TTN: variants seen among roughly 807,000 people sequenced by gnomAD.
TTN encodes the protein titin.
Under a neutral mutation model 3,223.0 loss-of-function variants are expected in TTN, and 1,525 were observed. That is an observed-to-expected ratio of 0.47 (90% CI 0.45 to 0.49). TTN has a LOEUF of 0.49. Ranked by LOEUF, TTN falls within the 20% of genes least tolerant of loss-of-function variation. The pLI, the probability that TTN is intolerant of heterozygous loss-of-function variation, is 0.00. For missense variants in TTN, 40,786 were observed against 43,424.0 expected (o/e 0.94, Z 5.40); for synonymous variants, 14,094 against 15,161.0 (o/e 0.93, Z 5.17).
In TTN at chr2:178,549,658, A is replaced by C; in HGVS notation, c.92064T>G (p.Asn30688Lys). The change falls in exon 338 of 363, where the codon AAT becomes AAG. Residue 30688 changes from asparagine to lysine, a missense_variant. Physicochemically the swap from Asn to Lys is moderately conservative, Grantham distance 94. Transcript: ENST00000589042. ...CTGCAGAAACACGGAATTGGTATTC[A>C]TTGCCGTTTATTAGTTTAATGGCAG... is the stretch of plus-strand genomic sequence containing the variant. ...SYTAIKLING[N>K]EYQFRVSAVN... is the part of the protein sequence containing the mutation. 6.2e-7 allele frequency: 1 copy of C among 1,613,846 alleles called. No individual in the cohort carries two copies. The highest frequency in any genetic ancestry group is 8.5e-7 in the Non-Finnish European group (1 of 1,179,790).
rs148105798 is a variant in TTN, at chr2:178,747,784, G to A, written c.11311+5340C>T. ...TTTCTATCATTTCTCCTTCTAAAGT[G>A]GAGAAAGAAGCTTCATTCTGAACTT... On this transcript the variant is annotated intron_variant, in intron 47 of 362. Transcript: ENST00000589042. 4.9e-4 allele frequency: 796 copies of A among 1,612,108 alleles called. 2 individuals are homozygous for A. The highest frequency in any genetic ancestry group is 6.4e-4 in the Non-Finnish European group (749 of 1,179,428).
Position 178,733,266 on chromosome 2 carries a change from A to G in TTN, c.16027T>C (p.Ser5343Pro). The G allele has an allele frequency of 1.2e-6, 2 of 1,608,322 alleles. No homozygotes were observed. Among genetic ancestry groups the G allele is most frequent in the Admixed American group, 3.3e-5 (2 of 59,786 alleles). ...FEISNEVGSS[S>P]CETTFTVLDR... Reference sequence around the variant, plus strand: ...AATACAGTGAATGTAGTCTCACAGGAGCTGCTGCCCACTTCATTGGAAATC... The same window carrying G: ...AATACAGTGAATGTAGTCTCACAGGGGCTGCTGCCCACTTCATTGGAAATC... The change falls in exon 54 of 363, where the codon TCC becomes CCC. Residue 5343 changes from serine (S) to proline (P), a missense_variant. Transcript: ENST00000589042.
At chr2:178,596,163 G>A (rs2051556197) in intron 294 of TTN, among the ~76,000 whole-genome samples, 1 of 151,614 alleles carries the variant, frequency 6.6e-6, no homozygotes, top group African/African-American at 2.4e-5. Context: ...GCTAATTTTT[G>A]CATTTTTAGT....
At chr2:178,689,773 A>G (rs771559130) in intron 122 of TTN, 40 bp downstream of exon 122, 1 of 1,554,988 alleles carries the variant, frequency 6.4e-7, no homozygotes, top group Non-Finnish European at 8.7e-7. Context: ...ATTTTGTATC[A>G]AAGATAAAAG....
chr2:178,584,764 G>A lies in TTN; in HGVS notation c.64877C>T (p.Pro21626Leu). ...KTSCRVGKLI[P>L]GQEYIFRVRA... ...GACCCGGAAGATGTACTCCTGGCCT[G>A]GGATCAGCTTTCCAACCCTGCAGGA... Residue 21626 changes from proline to leucine, a missense_variant, in exon 310 of 363, where the codon CCA (proline) becomes CTA (leucine). Coordinates refer to ENST00000589042, the MANE Select transcript of TTN (RefSeq NM_001267550.2). The A allele has an allele frequency of 6.2e-7, 1 of 1,613,482 alleles. No individual in the cohort carries two copies.
chr2:178,609,773 T>C lies in TTN; in HGVS notation c.51650A>G (p.Glu17217Gly). The change falls in exon 272 of 363, where the codon GAG becomes GGG. Residue 17217 changes from glutamate (E) to glycine (G), a missense_variant. Glu to Gly is a moderately conservative substitution (Grantham distance 98). Transcript: ENST00000589042. ...CTCTGCTCGCACACGGAATTGGTAC[T>C]CTTTCCCCTCTTCAAGTCCTTTTGC... ...YTAKGLEEGK[E>G]YQFRVRAENA... 6.2e-7 allele frequency: 1 copy of C among 1,612,894 alleles called. No homozygotes were observed. Among genetic ancestry groups the C allele is most frequent in the Non-Finnish European group, 8.5e-7 (1 of 1,179,222 alleles).
chr2:178,535,337 A>G lies in TTN; in HGVS notation c.101278T>C (p.Phe33760Leu). 6.2e-7 allele frequency: 1 copy of G among 1,613,854 alleles called. No individual in the cohort carries two copies. The highest frequency in any genetic ancestry group is 1.7e-5 in the Admixed American group (1 of 60,010). ...AATTTATTTTCAGCTATTACCCGGA[A>G]CTGGTAACTTGTTTTTCCAAATAAG... ...INLFGKTSYQ[F>L]RVIAENKFGL... Residue 33760 changes from phenylalanine (F) to leucine (L), a missense_variant, in exon 358 of 363, where the codon TTC becomes CTC. Physicochemically the swap from Phe to Leu is conservative, Grantham distance 22. Coordinates refer to ENST00000589042, the MANE Select transcript of TTN (RefSeq NM_001267550.2).
chr2:178,709,511 A>G (rs1173928093), intron 99 of TTN, 55 bp downstream of exon 99: 3 of 1,538,352 alleles, frequency 2.0e-6, no homozygotes, highest in East Asian at 2.3e-5. Flanking sequence ...GCTCATGGAT[A>G]TATAACAGGC....
At chr2:178,639,973 T>C (rs776904066) in intron 222 of TTN, 75 bp downstream of exon 222, 2 of 1,551,324 alleles carry the variant, frequency 1.3e-6, no homozygotes, top group Non-Finnish European at 1.8e-6. Context: ...TCACCTACTA[T>C]CTTTTATTAA....
In TTN at chr2:178,790,757, T is replaced by C. The variant is rs769784355; in HGVS notation, c.1751A>G (p.Gln584Arg). 1 of 1,614,184 alleles carries C rather than the reference T, an allele frequency of 6.2e-7. No individual in the cohort carries two copies. The highest frequency in any genetic ancestry group is 8.5e-7 in the Non-Finnish European group (1 of 1,180,014). ...STKLETVPGAQEETTTQQDQM... is the reference protein window; with the variant it reads ...STKLETVPGAREETTTQQDQM... Reference sequence around the variant, plus strand: ...ATCTTGTTGTGTGGTAGTTTCTTCTTGAGCTCCCGGGACTGTTTCTAGTTT... The same window carrying C: ...ATCTTGTTGTGTGGTAGTTTCTTCTCGAGCTCCCGGGACTGTTTCTAGTTT... Residue 584 changes from glutamine to arginine, a missense_variant, in exon 11 of 363, where the codon CAA (glutamine) becomes CGA (arginine). Physicochemically the swap from Gln to Arg is conservative, Grantham distance 43. Coordinates refer to ENST00000589042, the MANE Select transcript of TTN (RefSeq NM_001267550.2).
chr2:178,567,837 T>C lies in TTN; in HGVS notation c.78295A>G (p.Met26099Val), dbSNP rs374376033. Reference sequence around the variant, plus strand: ...AAAGTGATTTCATTTCTTTTAACCATTATTGGTTCTGGGGTTCCTGGTGGG... The same window carrying C: ...AAAGTGATTTCATTTCTTTTAACCACTATTGGTTCTGGGGTTCCTGGTGGG... ...CDPPGTPEPI[M>V]VKRNEITLQW... Residue 26099 changes from methionine to valine, a missense_variant, in exon 326 of 363, where the codon ATG becomes GTG. Physicochemically the swap from Met to Val is conservative, Grantham distance 21. Coordinates refer to ENST00000589042, the MANE Select transcript of TTN (RefSeq NM_001267550.2). 12 of 1,613,422 alleles carry C rather than the reference T, an allele frequency of 7.4e-6. No homozygotes were observed. In the African/African-American group the frequency reaches 1.6e-4, roughly 22 times the overall value.
At chr2:178,701,445 G>T in intron 110 of TTN, 83 bp downstream of exon 110, 1 of 1,413,580 alleles carries the variant, frequency 7.1e-7, no homozygotes, top group Non-Finnish European at 9.7e-7. Context: ...CTGCAGTTTG[G>T]TCGCTGGTAT....
rs375153601 is a variant in TTN at position 178,535,233 on chromosome 2, T to C, written c.101382A>G (p.Glu33794=). 3 of 1,613,964 alleles carry C rather than the reference T, an allele frequency of 1.9e-6. No homozygotes were observed. The African/African-American group carries it at 4.0e-5, about 22-fold the overall frequency. Residue 33794 remains glutamate, a synonymous_variant, in exon 358 of 363, where the codon GAA becomes GAG. Transcript: ENST00000589042. ...EDKTRAMNYD[E]EVDETREVSM... ...AGACTTCCCTGGTTTCATCTACCTC[T>C]TCATCATAGTTCATAGCTCTGGTCT...
Position 178,783,002 on chromosome 2 carries a change from T to A in TTN, c.2904A>T (p.Gly968=). 1 of 1,614,152 alleles carries A rather than the reference T, an allele frequency of 6.2e-7. No homozygotes were observed. Among genetic ancestry groups the A allele is most frequent in the Non-Finnish European group, 8.5e-7 (1 of 1,180,000 alleles). ...ESVTLECHIS[G]YPSPTVTWYR... ...ACCATGTCACTGTCGGGGATGGGTA[T>A]CCAGAGATGTGGCACTCCAAGGTGA... is the stretch of plus-strand genomic sequence containing the variant. Residue 968 remains glycine, a synonymous_variant, in exon 18 of 363, where the codon GGA becomes GGT. Transcript: ENST00000589042.
At chr2:178,587,487 T>C (rs755971981) in intron 306 of TTN, 29 bp downstream of exon 306, 1 of 1,603,404 alleles carries the variant, frequency 6.2e-7, no homozygotes, top group Non-Finnish European at 8.5e-7. Context: ...ATTTTTGAAG[T>C]GGGAGGGAGA....
chr2:178,539,522 GAA>G lies in TTN; in HGVS notation c.98541_98542del (p.Ser32848GlnfsTer37). 6.2e-7 allele frequency: 1 copy of G among 1,613,752 alleles called. No individual in the cohort carries two copies. Among genetic ancestry groups the G allele is most frequent in the Non-Finnish European group, 8.5e-7 (1 of 1,179,772 alleles). ...CACCAGAGATGTACCTCGGACTCTGGAATCAATGGTATACCAGGCGGCTTTAG... is the reference window on the plus strand; with the variant it reads ...CACCAGAGATGTACCTCGGACTCTGGTCAATGGTATACCAGGCGGCTTTAG... On this transcript the variant is annotated frameshift_variant, in exon 352 of 363. Coordinates refer to ENST00000589042, the MANE Select transcript of TTN (RefSeq NM_001267550.2). LOFTEE classifies it high-confidence loss of function.
At position 178,593,558 on chromosome 2, in the gene TTN, T is replaced by C; in HGVS notation, c.58732+10A>G. ...AGCATTGAATCACTAAAAAGAAACA[T>C]AATGCATACTGAAACGATCTTTGGC... On this transcript the variant is annotated intron_variant, in intron 298 of 362. Transcript: ENST00000589042. 6.2e-7 allele frequency: 1 copy of C among 1,608,968 alleles called. No homozygotes were observed. Among genetic ancestry groups the C allele is most frequent in the South Asian group, 1.1e-5 (1 of 89,676 alleles).
chr2:178,573,645 G>C lies in TTN; in HGVS notation c.72487C>G (p.Arg24163Gly). ...AKIDHYIVQK[R>G]ETSRLAWTNV... ...GTCCATGCCAATCTGCTGGTTTCAC[G>C]TTTCTGTACTATGTAATGATCAATT... is the stretch of plus-strand genomic sequence containing the variant. The change falls in exon 326 of 363, where the codon CGT (arginine) becomes GGT (glycine). Residue 24163 changes from arginine to glycine, a missense_variant. Transcript: ENST00000589042. 1 of 1,501,954 alleles carries C rather than the reference G, an allele frequency of 6.7e-7. No individual in the cohort carries two copies. The allele number at this position is 1,501,954 out of a possible 1,614,324, so 93.0% of individuals were successfully genotyped here.
chr2:178,732,817 C>T lies in TTN; in HGVS notation c.16342+17G>A, dbSNP rs1026013164. Reference sequence around the variant, plus strand: ...CATAATCTTTAATAAGGATAAAATGCAAAGTCTCCAGCCAACCTTGCACAA... The same window carrying T: ...CATAATCTTTAATAAGGATAAAATGTAAAGTCTCCAGCCAACCTTGCACAA... On this transcript the variant is annotated intron_variant, in intron 55 of 362. Coordinates refer to ENST00000589042, the MANE Select transcript of TTN (RefSeq NM_001267550.2). The T allele has an allele frequency of 6.3e-7, 1 of 1,592,602 alleles. No individual in the cohort carries two copies. The highest frequency in any genetic ancestry group is 1.4e-5 in the African/African-American group (1 of 74,044).
Sources: allele counts gnomAD v4.1 joint callset (sites outside exome capture counted in the v4.1 genomes callset), GRCh38; gene constraint gnomAD v4.1.1; transcripts MANE v1.5; gene names NCBI Gene and HGNC (gene_info 2026-07-23, HGNC 2026-07-21).